The following PTPRT variants were observed in gnomAD, a reference collection of about 807,000 sequenced individuals.
The protein encoded by PTPRT is receptor-type tyrosine-protein phosphatase T.
In PTPRT, 56 loss-of-function variants were observed where a neutral mutation model predicts 176.8. That is an observed-to-expected ratio of 0.32 (90% CI 0.26 to 0.40). The LOEUF (loss-of-function observed/expected upper bound fraction) is 0.40, where lower values mean the gene tolerates loss of function less well. Among genes scored for constraint, PTPRT ranks in the 10% least tolerant of loss-of-function variants. The pLI, the probability that PTPRT is intolerant of heterozygous loss-of-function variation, is 1.00. For synonymous variants in PTPRT, 783 were observed against 739.0 expected (o/e 1.06, Z -0.96); for missense variants, 1,540 against 1,908.2 (o/e 0.81, Z 3.60).
rs982920431 is a variant in PTPRT, at chr20:42,089,899, C to T, written c.3847-4046G>A. Among the ~76,000 whole-genome samples, 8 of 152,178 alleles carry T rather than the reference C, an allele frequency of 5.3e-5. No individual in the cohort carries two copies. In the South Asian group the frequency reaches 1.0e-3, roughly 20 times the overall value. ...AATGACTCTCATCAATAAGAAACAT[C>T]CTCTGTGGTTTAGCTCAAGACTGTC... On this transcript the variant is annotated intron_variant, in intron 27 of 30. Coordinates refer to ENST00000373187, the MANE Select transcript of PTPRT (RefSeq NM_007050.6).
intron 13 of PTPRT, among the ~76,000 whole-genome samples, chr20:42,276,503 A>G (rs1312779987): frequency 1.7e-3 from 9 of 5,246 alleles, no homozygotes; most frequent in African/African-American, 2.9e-3. Context: ...GGAAATATAT[A>G]TATATATATA....
At chr20:42,760,373 A>G (rs2076897773) in intron 5 of PTPRT, among the ~76,000 whole-genome samples, 1 of 143,504 alleles carries the variant, frequency 7.0e-6, no homozygotes, top group Non-Finnish European at 1.5e-5. Context: ...GTCTGTTTCT[A>G]AATCTGCTTT....
intron 2 of PTPRT, among the ~76,000 whole-genome samples, chr20:42,822,908 G>A (rs182810562): frequency 6.6e-6 from 1 of 152,212 alleles, no homozygotes; most frequent in African/African-American, 2.4e-5. Context: ...ATGCTAGTGA[G>A]ACTGTGGAGA....
At chr20:42,535,497 G>A (rs140151515) in intron 7 of PTPRT, among the ~76,000 whole-genome samples, 1 of 152,268 alleles carries the variant, frequency 6.6e-6, no homozygotes, top group African/African-American at 2.4e-5. Context: ...TACATATGAT[G>A]TAAGTTGGTA....
rs116345535 is a variant in PTPRT, at chr20:42,081,576, A to T, written c.4272+306T>A. Among the ~76,000 whole-genome samples the T allele has an allele frequency of 4.8e-3, 733 of 152,336 alleles. 6 individuals carry two copies. The highest frequency in any genetic ancestry group is 0.017 in the African/African-American group (700 of 41,566). On this transcript the variant is annotated intron_variant, in intron 30 of 30. Coordinates refer to ENST00000373187, the MANE Select transcript of PTPRT (RefSeq NM_007050.6). ...TTGGACTGAATTGAAAACATACTTC[A>T]CATTCTACTAATCCAGCATCCTTTC...
chr20:42,733,286 T>C (rs2076490045), intron 6 of PTPRT, among the ~76,000 whole-genome samples: 1 of 152,160 alleles, frequency 6.6e-6, no homozygotes, highest in African/African-American at 2.4e-5. Flanking sequence ...TTTATGTCCC[T>C]TTAGACGAGG....
In PTPRT at chr20:42,468,529, C is replaced by G. The variant is rs147214157; in HGVS notation, c.1450+3737G>C. ...TTTAGTAATGATAATGTCCACACAT[C>G]TCCATAGAGCAGGAATTGATGCTTT... is the stretch of plus-strand genomic sequence containing the variant. On this transcript the variant is annotated intron_variant, in intron 8 of 30. Coordinates refer to ENST00000373187, the MANE Select transcript of PTPRT (RefSeq NM_007050.6). Among the ~76,000 whole-genome samples, 691 of 152,318 alleles carry G rather than the reference C, an allele frequency of 4.5e-3. 7 individuals carry two copies. Among genetic ancestry groups the G allele is most frequent in the African/African-American group, 0.016 (647 of 41,568 alleles).
At position 42,671,921 on chromosome 20, in the gene PTPRT, G is replaced by A. The variant is rs139941806; in HGVS notation, c.1153+5945C>T. 1.6e-3 allele frequency among the ~76,000 whole-genome samples: 242 copies of A among 152,276 alleles called. 1 individual carries two copies. Among genetic ancestry groups the A allele is most frequent in the Non-Finnish European group, 2.5e-3 (171 of 68,028 alleles). On this transcript the variant is annotated intron_variant, in intron 7 of 30. Coordinates refer to ENST00000373187, the MANE Select transcript of PTPRT (RefSeq NM_007050.6). ...AAGTCCAAGTGAAATCAGGTAGTCC[G>A]CATGGAAGAGGCAGTTATCTGCTGA... is the stretch of plus-strand genomic sequence containing the variant.
Position 42,136,054 on chromosome 20 carries a change from A to G in PTPRT, c.2770+5861T>C, listed in dbSNP as rs79287049. On this transcript the variant is annotated intron_variant, in intron 18 of 30. Transcript: ENST00000373187. ...ACAGTTCTAACTCTCAGAACAAACC[A>G]CAACTCCTTCTCCCTCCCTCCATCA... Among the ~76,000 whole-genome samples the G allele has an allele frequency of 8.9e-3, 1,346 of 152,088 alleles. 17 individuals are homozygous for G. Among genetic ancestry groups the G allele is most frequent in the African/African-American group, 0.031 (1,284 of 41,470 alleles).
At chr20:42,099,854 G>A (rs1185311597) in intron 26 of PTPRT, among the ~76,000 whole-genome samples, 3 of 152,144 alleles carry the variant, frequency 2.0e-5, no homozygotes, top group Non-Finnish European at 4.4e-5. Context: ...TTCCTGGCCA[G>A]TAGAATGTTC....
chr20:42,270,292 G>A, intron 13 of PTPRT: 2 of 1,009,630 alleles, frequency 2.0e-6, no homozygotes, highest in South Asian at 1.4e-5. Context: ...GGGTGGGTGG[G>A]TGGGGTGGAA....
At chr20:42,432,313 C>G (rs1007081945) in intron 9 of PTPRT, among the ~76,000 whole-genome samples, 14 of 152,222 alleles carry the variant, frequency 9.2e-5, no homozygotes, top group Non-Finnish European at 1.6e-4. Context: ...CCTCCACACA[C>G]AGGCTAGGGT....
chr20:42,610,861 T>C (rs56749693), intron 7 of PTPRT, among the ~76,000 whole-genome samples: 17,854 of 152,208 alleles, frequency 0.12, 2,586 homozygotes, highest in African/African-American at 0.35. Context: ...ACAAACTCTT[T>C]GCCTAGGCAA....
chr20:42,381,960 A>G (rs1342140424), intron 9 of PTPRT, among the ~76,000 whole-genome samples: 2 of 152,220 alleles, frequency 1.3e-5, no homozygotes, highest in Non-Finnish European at 2.9e-5. Context: ...GAAATGAGGC[A>G]GGAAACAAAG....
chr20:42,276,496 AAT>A (rs61484693), intron 13 of PTPRT, among the ~76,000 whole-genome samples: 13 of 44,182 alleles, frequency 2.9e-4, no homozygotes, highest in Non-Finnish European at 3.8e-4. Flanking sequence ...GAAAGAAGGA[AAT>A]ATATATATAT....
chr20:42,665,999 G>A (rs1045791918), intron 7 of PTPRT, among the ~76,000 whole-genome samples: 1 of 151,248 alleles, frequency 6.6e-6, no homozygotes, highest in Admixed American at 6.6e-5. Flanking sequence ...GTTAAATGAC[G>A]AGTTAATGGG....
At chr20:42,039,545 C>A in the PTPRT span, among the ~76,000 whole-genome samples, 1 of 151,912 alleles carries the variant, frequency 6.6e-6, no homozygotes, top group Admixed American at 6.6e-5. Context: ...ATGAGCTCAA[C>A]TATTTTACAT....
chr20:42,073,354 C>G lies in PTPRT; in HGVS notation c.*7525G>C, dbSNP rs548648102. 1 of 190,794 alleles carries G rather than the reference C, an allele frequency of 5.2e-6. No homozygotes were observed. Among genetic ancestry groups the G allele is most frequent in the Admixed American group, 6.2e-5 (1 of 16,242 alleles). 11.8% of individuals were successfully genotyped at this position (190,794 alleles called of 1,614,324 possible). A position where few individuals can be genotyped will look rare whatever the true frequency, so the allele number is the denominator to read the frequency against. ...GATTTACATGGGCTAGCTCAGGATCCACCTGGTGATGAAATGTGTGCACTG... is the reference window on the plus strand; with the variant it reads ...GATTTACATGGGCTAGCTCAGGATCGACCTGGTGATGAAATGTGTGCACTG... On this transcript the variant is annotated 3_prime_UTR_variant, in exon 31 of 31. Transcript: ENST00000373187.
intron 6 of PTPRT, among the ~76,000 whole-genome samples, chr20:42,728,844 C>A (rs1411796182): frequency 6.6e-6 from 1 of 152,190 alleles, no homozygotes; most frequent in Non-Finnish European, 1.5e-5. Flanking sequence ...GGGAAATCAT[C>A]TCATTTAACT....
Sources: allele counts gnomAD v4.1 joint callset (sites outside exome capture counted in the v4.1 genomes callset), GRCh38; gene constraint gnomAD v4.1.1; transcripts MANE v1.5; gene names NCBI Gene and HGNC (gene_info 2026-07-23, HGNC 2026-07-21).